QSOX1: variants seen among roughly 807,000 people sequenced by gnomAD.
The protein encoded by QSOX1 is sulfhydryl oxidase 1.
A neutral mutation model predicts 76.1 loss-of-function variants in QSOX1; 40 were observed. That is an observed-to-expected ratio of 0.53 (90% CI 0.41 to 0.68). The LOEUF is 0.68. Ranked by LOEUF, QSOX1 falls within the 30% of genes least tolerant of loss-of-function variation. The pLI is 0.00. For synonymous variants in QSOX1, 392 were observed against 413.1 expected (o/e 0.95, Z 0.62); for missense variants, 931 against 974.3 (o/e 0.96, Z 0.59).
At chr1:180,167,329 A>G (rs1662653538) in intron 2 of QSOX1, among the ~76,000 whole-genome samples, 1 of 152,228 alleles carries the variant, frequency 6.6e-6, no homozygotes, top group African/African-American at 2.4e-5. Flanking sequence ...CACCAGCTAT[A>G]AATAATATGT....
In QSOX1 at chr1:180,198,683, T is replaced by C; in HGVS notation, c.*1646T>C. 3.1e-6 allele frequency: 1 copy of C among 326,264 alleles called. No individual in the cohort carries two copies. The highest frequency in any genetic ancestry group is 2.4e-5 in the South Asian group (1 of 41,018). 20.2% of individuals were successfully genotyped at this position (326,264 alleles called of 1,614,324 possible). ...GCCTTGCTGGGCTCCTGGGTTGGAC[T>C]CCCTCTCTGTGCCCCTGCTCCAGGC... is the stretch of plus-strand genomic sequence containing the variant. On this transcript the variant is annotated 3_prime_UTR_variant, in exon 12 of 12. Coordinates refer to ENST00000367602, the MANE Select transcript of QSOX1 (RefSeq NM_002826.5).
At chr1:180,192,294 G>A (rs550186590) in intron 10 of QSOX1, among the ~76,000 whole-genome samples, 1 of 152,288 alleles carries the variant, frequency 6.6e-6, no homozygotes, top group South Asian at 2.1e-4. Context: ...GGAGGTGAGC[G>A]CTCATGGGCT....
At position 180,198,549 on chromosome 1, in the gene QSOX1, G is replaced by A. The variant is rs1663563441; in HGVS notation, c.*1512G>A. On this transcript the variant is annotated 3_prime_UTR_variant, in exon 12 of 12. Transcript: ENST00000367602. ...TTCACTCTGCTCAGATGGCCTGGGTGCTATGTGGAGCAGGTGGGATGCCAA... is the reference window on the plus strand; with the variant it reads ...TTCACTCTGCTCAGATGGCCTGGGTACTATGTGGAGCAGGTGGGATGCCAA... 5.3e-6 allele frequency: 2 copies of A among 377,640 alleles called. No individual in the cohort carries two copies. The highest frequency in any genetic ancestry group is 1.1e-5 in the Non-Finnish European group (2 of 184,200). The allele number at this position is 377,640 out of a possible 1,614,324, so 23.4% of individuals were successfully genotyped here. A position where few individuals can be genotyped will look rare whatever the true frequency, so the allele number is the denominator to read the frequency against.
At chr1:180,174,123 G>A (rs1662823521) in intron 2 of QSOX1, among the ~76,000 whole-genome samples, 1 of 152,254 alleles carries the variant, frequency 6.6e-6, no homozygotes, top group African/African-American at 2.4e-5. Context: ...CCCGAGGCTA[G>A]AGTCCCACAG....
chr1:180,194,144 C>T (rs1663397025), intron 10 of QSOX1, 69 bp from the exon 11 acceptor site: 1 of 1,476,258 alleles, frequency 6.8e-7, no homozygotes, highest in Non-Finnish European at 9.2e-7. Context: ...GCAGGGTGGC[C>T]TGGGGAGGCA....
chr1:180,196,759 A>G lies in QSOX1; in HGVS notation c.1966A>G (p.Arg656Gly), dbSNP rs1489980091. ...AGGGGCTGCATTGCTGGCTGAGTCC[A>G]GGGCTGAGAAGAACCGCCTCTGGGG... ...DTGAALLAES[R>G]AEKNRLWGPL... Residue 656 changes from arginine (R) to glycine (G), a missense_variant, in exon 12 of 12, where the codon AGG (arginine) becomes GGG (glycine). Transcript: ENST00000367602. The surrounding 1 kb of genome is among the most constrained non-coding windows in gnomAD (Gnocchi z 4.1). 1.2e-6 allele frequency: 2 copies of G among 1,614,050 alleles called. No homozygotes were observed. Among genetic ancestry groups the G allele is most frequent in the Non-Finnish European group, 1.7e-6 (2 of 1,179,954 alleles).
In QSOX1 at chr1:180,197,345, C is replaced by A; in HGVS notation, c.*308C>A. ...TCCTGTTTTTCAGCTTATTTGAAGT[C>A]CTGCCTCATTCTCACTGGAGCCTCA... On this transcript the variant is annotated 3_prime_UTR_variant, in exon 12 of 12. Transcript: ENST00000367602. 6.2e-7 allele frequency: 1 copy of A among 1,614,030 alleles called. No homozygotes were observed. Among genetic ancestry groups the A allele is most frequent in the Non-Finnish European group, 8.5e-7 (1 of 1,180,014 alleles).
At chr1:180,179,410 A>G (rs1304842150) in intron 5 of QSOX1, among the ~76,000 whole-genome samples, 1 of 152,242 alleles carries the variant, frequency 6.6e-6, no homozygotes, top group Admixed American at 6.5e-5. Context: ...TCCGTGAGCC[A>G]GCTCCCCAGC....
intron 11 of QSOX1, among the ~76,000 whole-genome samples, chr1:180,194,697 T>C (rs1436316006): frequency 6.6e-6 from 1 of 152,196 alleles, no homozygotes; most frequent in Non-Finnish European, 1.5e-5. Context: ...TGTTGGCCCC[T>C]TACTCAAACT....
In QSOX1 at chr1:180,197,302, G is replaced by A. The variant is rs1333740287; in HGVS notation, c.*265G>A. Reference sequence around the variant, plus strand: ...GTGGGCATAGGGCAGCTCAGTCCCTGGCCTCTTAGCACCACATTCCTGTTT... The same window carrying A: ...GTGGGCATAGGGCAGCTCAGTCCCTAGCCTCTTAGCACCACATTCCTGTTT... On this transcript the variant is annotated 3_prime_UTR_variant, in exon 12 of 12. Transcript: ENST00000367602. 1.2e-6 allele frequency: 2 copies of A among 1,613,882 alleles called. No individual in the cohort carries two copies. Among genetic ancestry groups the A allele is most frequent in the Admixed American group, 1.7e-5 (1 of 60,020 alleles).
intron 7 of QSOX1, among the ~76,000 whole-genome samples, chr1:180,185,803 C>T (rs898571754): frequency 1.1e-4 from 17 of 152,200 alleles, no homozygotes; most frequent in African/African-American, 1.2e-4. Context: ...TTATTTGATC[C>T]TCTCAGCAAC....
intron 5 of QSOX1, among the ~76,000 whole-genome samples, chr1:180,180,750 T>C (rs981399132): frequency 1.3e-5 from 2 of 152,148 alleles, no homozygotes; most frequent in Non-Finnish European, 2.9e-5. Context: ...CTCCTGACCT[T>C]GTGATCTGAC....
At chr1:180,184,152 T>C in intron 7 of QSOX1, 102 bp downstream of exon 7, 2 of 1,431,254 alleles carry the variant, frequency 1.4e-6, no homozygotes, top group Non-Finnish European at 1.9e-6. Context: ...TTCCTTGTCA[T>C]ATGATTAGTG....
chr1:180,168,071 C>G (rs1453466969), intron 2 of QSOX1, among the ~76,000 whole-genome samples: 1 of 152,260 alleles, frequency 6.6e-6, no homozygotes, highest in Non-Finnish European at 1.5e-5. Context: ...GGCAAGACAA[C>G]CGATTGGAGT....
intron 1 of QSOX1, among the ~76,000 whole-genome samples, chr1:180,158,858 C>T (rs764490613): frequency 2.6e-5 from 4 of 152,166 alleles, no homozygotes; most frequent in South Asian, 2.1e-4. Flanking sequence ...AGCACCTCAA[C>T]GGTTGTCAGA....
intron 10 of QSOX1, among the ~76,000 whole-genome samples, chr1:180,192,253 G>A (rs1663338130): frequency 6.6e-6 from 1 of 152,176 alleles, no homozygotes; most frequent in Admixed American, 6.5e-5. Flanking sequence ...CCGGAGGGAG[G>A]GAGGTGAGGC....
chr1:180,163,603 T>A (rs910495686), intron 1 of QSOX1, among the ~76,000 whole-genome samples: 5 of 152,386 alleles, frequency 3.3e-5, no homozygotes, highest in African/African-American at 1.2e-4. Flanking sequence ...TACTTTAGAC[T>A]TATGTTCAGC....
intron 10 of QSOX1, among the ~76,000 whole-genome samples, chr1:180,191,684 A>G (rs1265869766): frequency 6.6e-6 from 1 of 152,194 alleles, no homozygotes; most frequent in Non-Finnish European, 1.5e-5. Flanking sequence ...GCAGTGCCGG[A>G]GCGGGTGCTG....
At chr1:180,165,432 C>T (rs1375628733) in intron 1 of QSOX1, among the ~76,000 whole-genome samples, 1 of 152,260 alleles carries the variant, frequency 6.6e-6, no homozygotes, top group African/African-American at 2.4e-5. Flanking sequence ...TTCTGGCTCC[C>T]ATGCCTCCCA....
Sources: allele counts gnomAD v4.1 joint callset (sites outside exome capture counted in the v4.1 genomes callset), GRCh38; gene constraint gnomAD v4.1.1; non-coding constraint Gnocchi (gnomAD v3.1); transcripts MANE v1.5; gene names NCBI Gene and HGNC (gene_info 2026-07-23, HGNC 2026-07-21).